PLCB4: variants seen among roughly 807,000 people sequenced by gnomAD.
The protein encoded by PLCB4 is 1-phosphatidylinositol 4,5-bisphosphate phosphodiesterase beta-4.
In PLCB4, 77 loss-of-function variants were observed where a neutral mutation model predicts 178.8. That is an observed-to-expected ratio of 0.43 (90% confidence interval 0.36 to 0.52). The LOEUF (loss-of-function observed/expected upper bound fraction) is 0.52. PLCB4 is among the 20% of genes least tolerant of loss of function. The pLI, the probability that PLCB4 is intolerant of heterozygous loss-of-function variation, is 0.00. For missense variants in PLCB4, 1,024 were observed against 1,453.4 expected, an observed-to-expected ratio of 0.70 and a Z score of 4.80; for synonymous variants, 496 against 490.8, an observed-to-expected ratio of 1.01 and a Z score of -0.14.
chr20:9,188,470 C>T (rs138334983), intron 2 of PLCB4, among the ~76,000 whole-genome samples: 42 of 151,990 alleles, frequency 2.8e-4, no homozygotes, highest in African/African-American at 8.2e-4. Flanking sequence ...TTTTCAGCCT[C>T]GACACTAGTG....
intron 3 of PLCB4, among the ~76,000 whole-genome samples, chr20:9,303,982 A>C (rs1185630798): frequency 6.6e-6 from 1 of 151,180 alleles, no homozygotes; most frequent in East Asian, 1.9e-4. Flanking sequence ...CCTCCTCCTC[A>C]TCCTCCCTTC....
At chr20:9,329,154 A>G (rs996407073) in intron 4 of PLCB4, among the ~76,000 whole-genome samples, 1 of 152,178 alleles carries the variant, frequency 6.6e-6, no homozygotes, top group Non-Finnish European at 1.5e-5. Flanking sequence ...CGTGTTGAAC[A>G]TACCTGGCTT....
chr20:9,137,165 A>G (rs550399092), intron 2 of PLCB4, among the ~76,000 whole-genome samples: 73 of 152,140 alleles, frequency 4.8e-4, no homozygotes, highest in African/African-American at 1.7e-3. Flanking sequence ...TATTCCCTGC[A>G]TGGTTTCCCT....
At chr20:9,338,449 G>A (rs2032774917) in intron 6 of PLCB4, among the ~76,000 whole-genome samples, 1 of 152,068 alleles carries the variant, frequency 6.6e-6, no homozygotes, top group Non-Finnish European at 1.5e-5. Context: ...GGAGGCAGAG[G>A]GAGGCAGATC....
intron 2 of PLCB4, among the ~76,000 whole-genome samples, chr20:9,168,802 G>C (rs999755929): frequency 6.6e-6 from 1 of 152,172 alleles, no homozygotes; most frequent in African/African-American, 2.4e-5. Flanking sequence ...TGATATAACT[G>C]ATGATGTGTG....
At chr20:9,356,354 T>G (rs1377935490) in intron 7 of PLCB4, among the ~76,000 whole-genome samples, 4 of 152,206 alleles carry the variant, frequency 2.6e-5, no homozygotes, top group African/African-American at 9.7e-5. Flanking sequence ...AGGAAACATG[T>G]TGGTGGTGAT....
intron 3 of PLCB4, among the ~76,000 whole-genome samples, chr20:9,277,293 A>T (rs1440822172): frequency 6.6e-6 from 1 of 152,100 alleles, no homozygotes; most frequent in African/African-American, 2.4e-5. Context: ...AGCTGTTTCC[A>T]TAGATAAGCC....
intron 2 of PLCB4, among the ~76,000 whole-genome samples, chr20:9,138,561 T>C (rs779034932): frequency 5.9e-5 from 9 of 152,040 alleles, no homozygotes; most frequent in Non-Finnish European, 1.2e-4. Flanking sequence ...TTATACTAAA[T>C]TTGCCATTAC....
chr20:9,281,632 G>C (rs893261164), intron 3 of PLCB4, among the ~76,000 whole-genome samples: 15 of 151,908 alleles, frequency 9.9e-5, no homozygotes, highest in Non-Finnish European at 1.9e-4. Flanking sequence ...GCTAAAACAT[G>C]TAGGTTTTAT....
chr20:9,127,178 A>G (rs1249628436), intron 2 of PLCB4, among the ~76,000 whole-genome samples: 1 of 152,100 alleles, frequency 6.6e-6, no homozygotes, highest in African/African-American at 2.4e-5. Flanking sequence ...ATTGAACTCT[A>G]AGGTGTGCAC....
At chr20:9,081,547 GC>G (rs1368813821) in intron 1 of PLCB4, among the ~76,000 whole-genome samples, 1 of 152,094 alleles carries the variant, frequency 6.6e-6, no homozygotes, top group Non-Finnish European at 1.5e-5. Context: ...TTCCTGTAAA[GC>G]CTTCCTTGAT....
At chr20:9,338,104 T>C (rs771542634) in intron 6 of PLCB4, 37 bp downstream of exon 6, 1 of 1,369,558 alleles carries the variant, frequency 7.3e-7, no homozygotes, top group African/African-American at 1.4e-5. Flanking sequence ...TAAACACGGA[T>C]TTACTTATAT....
chr20:9,331,936 T>G (rs1005241429), intron 4 of PLCB4, among the ~76,000 whole-genome samples: 1 of 152,176 alleles, frequency 6.6e-6, no homozygotes, highest in African/African-American at 2.4e-5. Context: ...TGGCCTCTGC[T>G]TAAGTAGTTT....
chr20:9,416,319 T>C (rs140736519), intron 25 of PLCB4, among the ~76,000 whole-genome samples: 293 of 152,292 alleles, frequency 1.9e-3, no homozygotes, highest in Middle Eastern at 0.01. Context: ...AACAAAGGAC[T>C]GTGGAAAGTG....
intron 32 of PLCB4, among the ~76,000 whole-genome samples, chr20:9,445,415 G>A (rs147413483): frequency 4.3e-4 from 65 of 152,310 alleles, no homozygotes; most frequent in African/African-American, 1.5e-3. Context: ...CTTGGCTTGA[G>A]TGATGTACCT....
chr20:9,453,421 G>A lies in PLCB4; in HGVS notation c.2955G>A (p.Ser985=), dbSNP rs1393384375. 14 of 1,611,686 alleles carry A rather than the reference G, an allele frequency of 8.7e-6. No homozygotes were observed. Among genetic ancestry groups the A allele is most frequent in the Non-Finnish European group, 1.0e-5 (12 of 1,178,468 alleles). Residue 985 remains serine (S), a synonymous_variant, in exon 33 of 40, where the codon TCG becomes TCA. Transcript: ENST00000378473. ...KIVAQYDKEK[S]THEKILEKAM... is the part of the protein sequence containing the mutation. ...TGGCACAGTATGACAAAGAGAAGTC[G>A]ACTCATGAGAAAATCCTAGAGAAGG...
intron 3 of PLCB4, among the ~76,000 whole-genome samples, chr20:9,247,417 A>T (rs2094136995): frequency 6.6e-6 from 1 of 152,192 alleles, no homozygotes; most frequent in African/African-American, 2.4e-5. Flanking sequence ...TGCATGTATA[A>T]CATAGCACCT....
At chr20:9,118,677 A>C (rs942771909) in intron 2 of PLCB4, among the ~76,000 whole-genome samples, 3 of 152,166 alleles carry the variant, frequency 2.0e-5, no homozygotes, top group African/African-American at 7.2e-5. Flanking sequence ...ACAATGCCTG[A>C]GACACAGGGA....
intron 7 of PLCB4, among the ~76,000 whole-genome samples, chr20:9,343,661 C>T (rs888284801): frequency 6.6e-6 from 1 of 152,132 alleles, no homozygotes; most frequent in Non-Finnish European, 1.5e-5. Context: ...GCCACTCTTA[C>T]CTATTTAGGA....
Sources: gnomAD v4.1 joint callset for allele counts (sites outside exome capture counted in the v4.1 genomes callset) on GRCh38, gnomAD v4.1.1 for gene constraint, MANE v1.5 for transcripts, NCBI Gene and HGNC (gene_info 2026-07-23, HGNC 2026-07-21) for gene names.